ADGRB3: variants seen among roughly 807,000 people sequenced by gnomAD.
ADGRB3 encodes the protein adhesion G protein-coupled receptor B3.
ADGRB3 carries 37 observed loss-of-function variants against 193.4 expected under a neutral mutation model. The ratio of observed to expected loss-of-function variants is 0.19; its 90% CI spans 0.15 to 0.25. The LOEUF (loss-of-function observed/expected upper bound fraction) is 0.25. Ranked by LOEUF, ADGRB3 falls within the 10% of genes least tolerant of loss-of-function variation. ADGRB3 has a pLI of 1.00. For synonymous variants in ADGRB3, 690 were observed against 644.2 expected, an observed-to-expected ratio of 1.07 and a Z score of -1.08; for missense variants, 1,637 against 1,852.9, an observed-to-expected ratio of 0.88 and a Z score of 2.14.
At chr6:68,652,058 C>T (rs1183058555) in intron 3 of ADGRB3, among the ~76,000 whole-genome samples, 1 of 152,062 alleles carries the variant, frequency 6.6e-6, no homozygotes, top group South Asian at 2.1e-4. Context: ...ATACTCTGCT[C>T]TTCCCCACAC....
chr6:69,111,460 T>G (rs1010092040), intron 17 of ADGRB3, among the ~76,000 whole-genome samples: 1 of 152,226 alleles, frequency 6.6e-6, no homozygotes, highest in Non-Finnish European at 1.5e-5. Context: ...GTTTGCTGCC[T>G]GTCATTATTT....
chr6:68,974,498 C>A (rs1768682051), intron 8 of ADGRB3, among the ~76,000 whole-genome samples: 1 of 151,994 alleles, frequency 6.6e-6, no homozygotes, highest in Non-Finnish European at 1.5e-5. Context: ...CCAGATGTGG[C>A]AACACACGTC....
chr6:69,004,742 T>A (rs921782019), intron 11 of ADGRB3, among the ~76,000 whole-genome samples: 12 of 152,130 alleles, frequency 7.9e-5, no homozygotes, highest in Non-Finnish European at 1.6e-4. Flanking sequence ...AACAGCCCTA[T>A]GTCCAAAGAC....
At chr6:68,767,498 T>C (rs915210248) in intron 3 of ADGRB3, among the ~76,000 whole-genome samples, 2 of 152,176 alleles carry the variant, frequency 1.3e-5, no homozygotes, top group African/African-American at 4.8e-5. Context: ...CACCCCTTCA[T>C]GCTAAAAACT....
chr6:68,949,740 T>C (rs565225745), intron 6 of ADGRB3, among the ~76,000 whole-genome samples: 1 of 152,316 alleles, frequency 6.6e-6, no homozygotes, highest in Non-Finnish European at 1.5e-5. Context: ...ATGACAATTA[T>C]ATTTGTTTTA....
At position 69,310,850 on chromosome 6, in the gene ADGRB3, T is replaced by TC. The variant is rs1768174591; in HGVS notation, c.2815-14020dup. 2.0e-5 allele frequency among the ~76,000 whole-genome samples: 3 copies of TC among 151,786 alleles called. No individual in the cohort carries two copies. The South Asian group carries it at 6.2e-4, about 31-fold the overall frequency. ...GTTTTTCTGGACTGAGCTATTTTTT[T>TC]CCAATAGATAAATATCTTCCAAAAA... On this transcript the variant is annotated intron_variant, in intron 20 of 31. Coordinates refer to ENST00000370598, the MANE Select transcript of ADGRB3 (RefSeq NM_001704.3).
intron 24 of ADGRB3, among the ~76,000 whole-genome samples, chr6:69,338,678 A>C (rs562374454): frequency 3.9e-5 from 6 of 152,228 alleles, no homozygotes; most frequent in Non-Finnish European, 8.8e-5. Flanking sequence ...CACAAGGGCC[A>C]CTTATGGTGT....
intron 15 of ADGRB3, among the ~76,000 whole-genome samples, chr6:69,056,543 C>A (rs186562870): frequency 2.6e-5 from 4 of 152,078 alleles, no homozygotes; most frequent in Non-Finnish European, 5.9e-5. Flanking sequence ...GGTGTCATCT[C>A]CAAGTTCAAT....
At chr6:69,196,378 T>C (rs1765296455) in intron 17 of ADGRB3, among the ~76,000 whole-genome samples, 1 of 152,114 alleles carries the variant, frequency 6.6e-6, no homozygotes. Context: ...ACGGTTTGCA[T>C]GGCTTAGACA....
intron 13 of ADGRB3, among the ~76,000 whole-genome samples, chr6:69,019,607 A>G (rs528918540): frequency 1.3e-3 from 202 of 152,130 alleles, no homozygotes; most frequent in African/African-American, 4.8e-3. Context: ...TCACTTGAGG[A>G]AAGTCTATGT....
intron 17 of ADGRB3, among the ~76,000 whole-genome samples, chr6:69,148,984 G>A (rs1226207846): frequency 6.6e-6 from 1 of 152,006 alleles, no homozygotes; most frequent in Non-Finnish European, 1.5e-5. Context: ...ACTTTTGGGA[G>A]TTTGATTATG....
intron 3 of ADGRB3, among the ~76,000 whole-genome samples, chr6:68,717,484 G>A (rs138984185): frequency 6.6e-6 from 1 of 151,690 alleles, no homozygotes; most frequent in African/African-American, 2.4e-5. Flanking sequence ...TTCCTAAATG[G>A]GTAAAATAAA....
At chr6:68,684,487 T>C (rs1374402703) in intron 3 of ADGRB3, among the ~76,000 whole-genome samples, 1 of 152,170 alleles carries the variant, frequency 6.6e-6, no homozygotes, top group African/African-American at 2.4e-5. Flanking sequence ...AAATACAGAA[T>C]TTGACCATTT....
rs1255428600 is a variant in ADGRB3 at position 68,956,719 on chromosome 6, A to G, written c.1435A>G (p.Ile479Val). The change falls in exon 8 of 32, where the codon ATA becomes GTA. Residue 479 changes from isoleucine (I) to valine (V), a missense_variant. Physicochemically the swap from Ile to Val is conservative, Grantham distance 29 (BLOSUM62 3). Around this residue, in one of 7 missense-constraint regions of ADGRB3, gnomAD observed 641 missense variants for 673.9 expected, o/e 0.95. Coordinates refer to ENST00000370598, the MANE Select transcript of ADGRB3 (RefSeq NM_001704.3). ...CTGTGATGGCGGCTGGGAAAGGCGA[A>G]TAAGGACCTGTCAGGGTGCAGTGAT... ...KSCDGGWERR[I>V]RTCQGAVITG... 1 of 1,614,116 alleles carries G rather than the reference A, an allele frequency of 6.2e-7. No homozygotes were observed. The highest frequency in any genetic ancestry group is 8.5e-7 in the Non-Finnish European group (1 of 1,179,998).
intron 30 of ADGRB3, among the ~76,000 whole-genome samples, chr6:69,375,480 G>A (rs1281609945): frequency 6.6e-6 from 1 of 152,042 alleles, no homozygotes; most frequent in Non-Finnish European, 1.5e-5. Flanking sequence ...GAAAAAAGAA[G>A]ACTCTTCAGT....
intron 20 of ADGRB3, among the ~76,000 whole-genome samples, chr6:69,316,955 AT>A (rs1224751455): frequency 6.6e-6 from 1 of 151,552 alleles, no homozygotes; most frequent in Non-Finnish European, 1.5e-5. Context: ...AAGGAAGAGA[AT>A]GTAGAGATAC....
intron 3 of ADGRB3, among the ~76,000 whole-genome samples, chr6:68,840,686 CA>C (rs1338032145): frequency 7.8e-6 from 1 of 128,710 alleles, no homozygotes; most frequent in Non-Finnish European, 1.6e-5. Context: ...GGGAGGATCA[CA>C]AAAACAAACA....
At chr6:68,814,259 T>A (rs1038922904) in intron 3 of ADGRB3, among the ~76,000 whole-genome samples, 2 of 152,206 alleles carry the variant, frequency 1.3e-5, no homozygotes, top group African/African-American at 4.8e-5. Context: ...CTAACTGGTG[T>A]GAGATGGTAT....
At chr6:69,166,220 G>A (rs1775129417) in intron 17 of ADGRB3, among the ~76,000 whole-genome samples, 1 of 152,054 alleles carries the variant, frequency 6.6e-6, no homozygotes, top group East Asian at 1.9e-4. Context: ...TAGAAGAGCT[G>A]AACTGTGAGT....
Sources: allele counts gnomAD v4.1 joint callset (sites outside exome capture counted in the v4.1 genomes callset), GRCh38; gene constraint gnomAD v4.1.1; regional missense constraint gnomAD v4.1.1; transcripts MANE v1.5; gene names NCBI Gene and HGNC (gene_info 2026-07-23, HGNC 2026-07-21).